Variants in THSD7B observed in about 807,000 individuals in gnomAD.
THSD7B encodes the protein thrombospondin type-1 domain-containing protein 7B.
THSD7B carries 138 observed loss-of-function variants against 213.6 expected under a neutral mutation model. The ratio of observed to expected loss-of-function variants is 0.65; its 90% CI spans 0.56 to 0.74. THSD7B has a LOEUF of 0.74. Ranked by LOEUF, THSD7B falls within the 30% of genes least tolerant of loss-of-function variation. The pLI is 0.00. For synonymous variants in THSD7B, 742 were observed against 687.0 expected, an observed-to-expected ratio of 1.08 and a Z score of -1.25; for missense variants, 1,931 against 1,991.5, an observed-to-expected ratio of 0.97 and a Z score of 0.58.
At chr2:137,089,533 A>G (rs1687912530) in intron 3 of THSD7B, among the ~76,000 whole-genome samples, 1 of 151,878 alleles carries the variant, frequency 6.6e-6, no homozygotes, top group Non-Finnish European at 1.5e-5. Context: ...ATTGGAGACT[A>G]TTACTCTAAG....
chr2:137,438,972 G>A (rs1330750865), intron 14 of THSD7B, among the ~76,000 whole-genome samples: 5 of 152,002 alleles, frequency 3.3e-5, no homozygotes, highest in Admixed American at 6.6e-5. Flanking sequence ...GAAACAAAGG[G>A]GAAACAACCA....
chr2:136,797,614 A>G (rs995970150), intron 1 of THSD7B, among the ~76,000 whole-genome samples: 1 of 151,902 alleles, frequency 6.6e-6, no homozygotes, highest in Non-Finnish European at 1.5e-5. Flanking sequence ...AAGCAGTACA[A>G]TTTCATGCAC....
chr2:137,611,479 C>T (rs1051864469), intron 17 of THSD7B, among the ~76,000 whole-genome samples: 1 of 151,968 alleles, frequency 6.6e-6, no homozygotes, highest in Admixed American at 6.6e-5. Flanking sequence ...CCTCTCTTTG[C>T]CATCAGTAAA....
intron 15 of THSD7B, among the ~76,000 whole-genome samples, chr2:137,504,046 A>G (rs1015622790): frequency 6.6e-6 from 1 of 151,766 alleles, no homozygotes; most frequent in African/African-American, 2.4e-5. Context: ...AGAAAAAAAA[A>G]AAAGAAAGAG....
At chr2:136,971,639 T>TACACACACACACACACACACACAC (rs6146927) in intron 2 of THSD7B, among the ~76,000 whole-genome samples, 14 of 135,354 alleles carry the variant, frequency 1.0e-4, no homozygotes, top group South Asian at 2.6e-4. Context: ...CAACAACAAA[T>TACACACACACACACACACACACAC]ACACACACAC....
chr2:136,977,015 T>C (rs1425801725), intron 2 of THSD7B, among the ~76,000 whole-genome samples: 1 of 152,236 alleles, frequency 6.6e-6, no homozygotes, highest in Non-Finnish European at 1.5e-5. Context: ...TCCTTTTAAA[T>C]TGTTTGAAAT....
chr2:137,089,747 C>T lies in THSD7B; in HGVS notation c.951-5126C>T, dbSNP rs144485574. Among the ~76,000 whole-genome samples the T allele has an allele frequency of 5.9e-3, 899 of 152,152 alleles. 12 individuals are homozygous for T. Among genetic ancestry groups the T allele is most frequent in the African/African-American group, 0.021 (858 of 41,524 alleles). ...GTGATGGGTGCACCGAAATCTCACA[C>T]ATCACCACTAAAGAACTTTAGGAGT... On this transcript the variant is annotated intron_variant, in intron 3 of 27. Transcript: ENST00000409968.
chr2:137,217,022 G>T (rs959853691), intron 7 of THSD7B, among the ~76,000 whole-genome samples: 1 of 152,036 alleles, frequency 6.6e-6, no homozygotes, highest in Non-Finnish European at 1.5e-5. Flanking sequence ...CTAAATGAGA[G>T]CCCCTTTTGC....
chr2:136,835,100 C>G (rs1682822885), intron 1 of THSD7B, among the ~76,000 whole-genome samples: 2 of 152,220 alleles, frequency 1.3e-5, no homozygotes, highest in Admixed American at 1.3e-4. Flanking sequence ...CACACCTACT[C>G]TGATACTGGG....
At chr2:137,314,053 T>C (rs1488120199) in intron 12 of THSD7B, among the ~76,000 whole-genome samples, 1 of 152,224 alleles carries the variant, frequency 6.6e-6, no homozygotes, top group East Asian at 1.9e-4. Context: ...AATGTTGGCC[T>C]GCTTTGCTAG....
At chr2:137,516,304 A>G (rs1015226021) in intron 15 of THSD7B, among the ~76,000 whole-genome samples, 8 of 152,234 alleles carry the variant, frequency 5.3e-5, no homozygotes, top group African/African-American at 1.9e-4. Context: ...ACAGAGAATC[A>G]CTGATCCTCA....
At chr2:137,437,961 T>C (rs1687327315) in intron 14 of THSD7B, among the ~76,000 whole-genome samples, 1 of 152,148 alleles carries the variant, frequency 6.6e-6, no homozygotes, top group African/African-American at 2.4e-5. Flanking sequence ...CTTGAGACAT[T>C]TGATCTTCTT....
chr2:137,116,805 C>T (rs185009190), intron 5 of THSD7B, among the ~76,000 whole-genome samples: 12 of 152,044 alleles, frequency 7.9e-5, no homozygotes, highest in Middle Eastern at 3.4e-3. Context: ...TGTGGGGGTA[C>T]GGGTGGAATA....
intron 1 of THSD7B, among the ~76,000 whole-genome samples, chr2:136,766,573 G>C (rs1681398291): frequency 6.6e-6 from 1 of 152,210 alleles, no homozygotes; most frequent in South Asian, 2.1e-4. Context: ...GGGGACGAGG[G>C]AATGTTGAGG....
intron 2 of THSD7B, among the ~76,000 whole-genome samples, chr2:136,973,173 T>G (rs1685430434): frequency 6.6e-6 from 1 of 152,168 alleles, no homozygotes; most frequent in Non-Finnish European, 1.5e-5. Context: ...CTTTCTTCAT[T>G]CCTTATTTTG....
chr2:137,299,306 A>G (rs1683544408), intron 12 of THSD7B, among the ~76,000 whole-genome samples: 1 of 152,076 alleles, frequency 6.6e-6, no homozygotes, highest in Admixed American at 6.5e-5. Context: ...CATTGTATCT[A>G]GGAAGTAACT....
chr2:137,251,338 A>G (rs1483706165), intron 10 of THSD7B, among the ~76,000 whole-genome samples: 1 of 151,960 alleles, frequency 6.6e-6, no homozygotes, highest in Non-Finnish European at 1.5e-5. Flanking sequence ...AAATTCTATC[A>G]TTTTTATTTA....
At chr2:137,306,002 G>C (rs758716476) in intron 12 of THSD7B, among the ~76,000 whole-genome samples, 1 of 152,102 alleles carries the variant, frequency 6.6e-6, no homozygotes, top group Non-Finnish European at 1.5e-5. Context: ...TAGTACAAAA[G>C]ATAAAATGTG....
At chr2:137,343,712 T>C (rs1403489129) in intron 12 of THSD7B, among the ~76,000 whole-genome samples, 1 of 151,840 alleles carries the variant, frequency 6.6e-6, no homozygotes, top group African/African-American at 2.4e-5. Flanking sequence ...TGAGAATGTC[T>C]GCACTAAAAG....
Sources: gnomAD v4.1 joint callset for allele counts (sites outside exome capture counted in the v4.1 genomes callset) on GRCh38, gnomAD v4.1.1 for gene constraint, MANE v1.5 for transcripts, NCBI Gene and HGNC (gene_info 2026-07-23, HGNC 2026-07-21) for gene names.